TUT7: variants seen among roughly 807,000 people sequenced by gnomAD.
TUT7 encodes the protein terminal uridylyl transferase 7, also known as terminal uridylyltransferase 7.
A neutral mutation model predicts 165.9 loss-of-function variants in TUT7; 33 were observed. The ratio of observed to expected loss-of-function variants is 0.20; its 90% CI spans 0.15 to 0.27. TUT7 has a LOEUF of 0.27. TUT7 is among the 10% of genes least tolerant of loss of function. TUT7 has a pLI of 1.00. For missense variants in TUT7, 1,338 were observed against 1,762.3 expected (o/e 0.76, Z 4.31); for synonymous variants, 552 against 608.1 (o/e 0.91, Z 1.36).
At chr9:86,328,260 G>T (rs1359417564) in intron 11 of TUT7, 80 bp downstream of exon 11, 10 of 1,352,946 alleles carry the variant, frequency 7.4e-6, no homozygotes, top group Non-Finnish European at 9.7e-6. Flanking sequence ...AGATAGTTAA[G>T]GAAAGAAGAC....
Position 86,301,587 on chromosome 9 carries a change from C to T in TUT7, c.4109G>A (p.Arg1370Gln), listed in dbSNP as rs200163022. The T allele has an allele frequency of 1.7e-5, 27 of 1,613,260 alleles. No individual in the cohort carries two copies. The Admixed American group carries it at 3.3e-4, about 20-fold the overall frequency. ...TTGGTTCAGGGCATCTTCCTGATCT[C>T]GCCGCCGTCTTACTCTGTAGAAGAT... ...CPMRRKVRRR[R>Q]DQEDALNQRY... The change falls in exon 26 of 27, where the codon CGA (arginine) becomes CAA (glutamine). Residue 1370 changes from arginine to glutamine, a missense_variant. Arg to Gln is a conservative substitution (Grantham distance 43). Around this residue, in one of 7 missense-constraint regions of TUT7, gnomAD observed 167 missense variants for 204.9 expected, o/e 0.82. Transcript: ENST00000375963.
chr9:86,339,560 C>T (rs918460126), intron 8 of TUT7, among the ~76,000 whole-genome samples: 1 of 152,082 alleles, frequency 6.6e-6, no homozygotes, highest in African/African-American at 2.4e-5. Context: ...ATCTCTGTAA[C>T]AATAAAAGAG....
chr9:86,352,210 A>G (rs1407591230), intron 2 of TUT7, among the ~76,000 whole-genome samples: 1 of 152,214 alleles, frequency 6.6e-6, no homozygotes, highest in Non-Finnish European at 1.5e-5. Context: ...CTCTTGTGGC[A>G]GGAGATATAC....
intron 26 of TUT7, among the ~76,000 whole-genome samples, chr9:86,292,100 A>G (rs1462622445): frequency 6.6e-6 from 1 of 152,226 alleles, no homozygotes; most frequent in Non-Finnish European, 1.5e-5. Context: ...GACTATTCAC[A>G]GGCACTATCA....
intron 1 of TUT7, among the ~76,000 whole-genome samples, 170 bp from the exon 2 acceptor site, chr9:86,353,400 A>C: frequency 6.6e-6 from 1 of 152,214 alleles, no homozygotes; most frequent in African/African-American, 2.4e-5. Flanking sequence ...TTTACCCTAG[A>C]GGTTGGGAGG....
At chr9:86,331,454 A>T (rs1830307365) in intron 10 of TUT7, among the ~76,000 whole-genome samples, 1 of 152,142 alleles carries the variant, frequency 6.6e-6, no homozygotes, top group Admixed American at 6.5e-5. Context: ...AAGGCTGTTA[A>T]AATCTCCTTG....
intron 11 of TUT7, 71 bp downstream of exon 11, chr9:86,328,269 A>G: frequency 2.8e-6 from 4 of 1,406,970 alleles, no homozygotes; most frequent in Non-Finnish European, 2.8e-6. Context: ...AGGAAAGAAG[A>G]CAAGACTGAC....
chr9:86,346,122 T>C (rs548902006), intron 3 of TUT7, among the ~76,000 whole-genome samples, 177 bp downstream of exon 3: 1 of 152,286 alleles, frequency 6.6e-6, no homozygotes, highest in Admixed American at 6.5e-5. Flanking sequence ...TTAAGTATAA[T>C]AGCAATGACT....
chr9:86,323,197 G>A lies in TUT7; in HGVS notation c.2553C>T (p.Asp851=), dbSNP rs146207882. 6.1e-4 allele frequency: 979 copies of A among 1,613,828 alleles called. 4 individuals are homozygous for A. The African/African-American group carries it at 6.7e-3, about 11-fold the overall frequency. ...GTTCTTCTTCCTCCTCCTCTTCTTC[G>A]TCGTCCTCCTCCTCTTCATCAGAGG... ...MIPSDEEEED[D]EEEEEEEEPR... The change falls in exon 13 of 27, where the codon GAC becomes GAT. Residue 851 remains aspartate (D), a synonymous_variant. Transcript: ENST00000375963.
intron 7 of TUT7, 117 bp downstream of exon 7, chr9:86,340,885 T>C (rs1231775458): frequency 5.4e-6 from 4 of 746,262 alleles, no homozygotes; most frequent in Non-Finnish European, 9.1e-6. Flanking sequence ...TTGCTTTGGA[T>C]ATTACCCACA....
intron 9 of TUT7, 104 bp from the exon 10 acceptor site, chr9:86,337,642 T>G: frequency 7.5e-7 from 1 of 1,330,350 alleles, no homozygotes; most frequent in Non-Finnish European, 1.0e-6. Flanking sequence ...ACTACATGAT[T>G]TACGGTAATT....
At chr9:86,345,577 A>G in intron 4 of TUT7, 92 bp downstream of exon 4, 1 of 888,708 alleles carries the variant, frequency 1.1e-6, no homozygotes, top group African/African-American at 1.7e-5. Flanking sequence ...AAAGTTATCA[A>G]TATCATAGCC....
At chr9:86,303,442 T>C (rs1289438166) in intron 24 of TUT7, among the ~76,000 whole-genome samples, 1 of 152,194 alleles carries the variant, frequency 6.6e-6, no homozygotes, top group East Asian at 1.9e-4. Context: ...TCGTGAGCCC[T>C]AACCCTAAAG....
intron 2 of TUT7, among the ~76,000 whole-genome samples, chr9:86,351,786 C>T (rs1832325736): frequency 6.6e-6 from 1 of 152,166 alleles, no homozygotes; most frequent in East Asian, 1.9e-4. Flanking sequence ...GAAACACATT[C>T]TATACAACCA....
chr9:86,351,382 G>A (rs1039341985), intron 2 of TUT7, among the ~76,000 whole-genome samples: 2 of 151,974 alleles, frequency 1.3e-5, no homozygotes, highest in South Asian at 2.1e-4. Flanking sequence ...GTTGCAGTGA[G>A]CCAAGATCGC....
intron 7 of TUT7, 90 bp downstream of exon 7, chr9:86,340,912 C>T (rs1390918130): frequency 1.0e-6 from 1 of 975,732 alleles, no homozygotes; most frequent in African/African-American, 1.6e-5. Context: ...ATTTTAAAAG[C>T]ATGCCTTGCT....
intron 2 of TUT7, among the ~76,000 whole-genome samples, chr9:86,350,649 G>C (rs564291514): frequency 6.6e-6 from 1 of 152,304 alleles, no homozygotes; most frequent in East Asian, 1.9e-4. Context: ...CTGAGCTGCA[G>C]CTGCCTGATT....
At chr9:86,349,484 T>C (rs1241900545) in intron 2 of TUT7, among the ~76,000 whole-genome samples, 1 of 152,072 alleles carries the variant, frequency 6.6e-6, no homozygotes, top group Non-Finnish European at 1.5e-5. Flanking sequence ...CCAAATACAT[T>C]AAACTGGCAA....
chr9:86,319,102 A>C (rs750886749), intron 15 of TUT7, 44 bp from the exon 16 acceptor site: 12 of 1,421,862 alleles, frequency 8.4e-6, no homozygotes, highest in Non-Finnish European at 1.2e-5. Flanking sequence ...ACCTGAGTAC[A>C]TTTAATTTTT....
Sources: allele counts gnomAD v4.1 joint callset (sites outside exome capture counted in the v4.1 genomes callset), GRCh38; gene constraint gnomAD v4.1.1; regional missense constraint gnomAD v4.1.1; transcripts MANE v1.5; gene names NCBI Gene and HGNC (gene_info 2026-07-23, HGNC 2026-07-21).